CNOT2: variants seen among roughly 807,000 people sequenced by gnomAD.
CNOT2 encodes CC chemokine receptor 4-negative regulator of transcription 2.
CNOT2 carries 7 observed loss-of-function variants against 72.1 expected under a neutral mutation model. That is an observed-to-expected ratio of 0.10 (90% confidence interval 0.06 to 0.18). CNOT2 has a LOEUF of 0.18. CNOT2 is among the 10% of genes least tolerant of loss of function. The pLI, the probability that CNOT2 is intolerant of heterozygous loss-of-function variation, is 1.00. For missense variants in CNOT2, 345 were observed against 660.3 expected, an observed-to-expected ratio of 0.52 and a Z score of 5.23; for synonymous variants, 196 against 225.6, an observed-to-expected ratio of 0.87 and a Z score of 1.17.
chr12:70,338,037 A>AT, intron 9 of CNOT2: 1 of 228,440 alleles, frequency 4.4e-6, no homozygotes, highest in Admixed American at 5.4e-5. Context: ...TAAAGCTTGT[A>AT]TGTCTAACTT....
intron 1 of CNOT2, among the ~76,000 whole-genome samples, chr12:70,257,361 T>C (rs1958509380): frequency 6.9e-6 from 1 of 144,798 alleles, no homozygotes; most frequent in South Asian, 2.2e-4. Flanking sequence ...CCCCTTTTTT[T>C]TTTTTTTTTT....
At chr12:70,339,089 TATACAC>T (rs1458785093) in intron 11 of CNOT2, among the ~76,000 whole-genome samples, 9 of 132,564 alleles carry the variant, frequency 6.8e-5, no homozygotes, top group South Asian at 2.4e-4. Flanking sequence ...TATATATATA[TATACAC>T]ACACACACAC....
intron 2 of CNOT2, among the ~76,000 whole-genome samples, chr12:70,294,670 T>C (rs1273183061): frequency 6.6e-6 from 1 of 152,198 alleles, no homozygotes; most frequent in Non-Finnish European, 1.5e-5. Context: ...TTTTGCCATA[T>C]GTAACTTGGT....
intron 2 of CNOT2, among the ~76,000 whole-genome samples, chr12:70,309,612 A>G (rs995275760): frequency 6.6e-6 from 1 of 152,104 alleles, no homozygotes; most frequent in African/African-American, 2.4e-5. Context: ...ATGGAAGGAA[A>G]TATTCTTAGT....
At chr12:70,310,739 G>T (rs1022666227) in intron 2 of CNOT2, among the ~76,000 whole-genome samples, 156 bp from the exon 3 acceptor site, 1 of 152,004 alleles carries the variant, frequency 6.6e-6, no homozygotes, top group African/African-American at 2.4e-5. Context: ...GTTATAATCA[G>T]ATTTATGACT....
chr12:70,349,404 C>G (rs1882595413), intron 15 of CNOT2, among the ~76,000 whole-genome samples: 1 of 152,056 alleles, frequency 6.6e-6, no homozygotes, highest in Non-Finnish European at 1.5e-5. Flanking sequence ...CTGTAAGAAG[C>G]CTACAGTATG....
chr12:70,265,285 CT>C (rs1376435290), intron 1 of CNOT2, among the ~76,000 whole-genome samples: 24 of 138,834 alleles, frequency 1.7e-4, no homozygotes, highest in African/African-American at 6.0e-4. Flanking sequence ...CTTCTCTTCT[CT>C]TCTCTTCTCT....
At chr12:70,334,502 A>G (rs1376169196) in intron 7 of CNOT2, 1 of 152,074 alleles carries the variant, frequency 6.6e-6, no homozygotes, top group Admixed American at 6.6e-5. Flanking sequence ...TTTGGAGAAA[A>G]CTAAAAATTA....
At chr12:70,291,709 G>T (rs191468533) in intron 2 of CNOT2, among the ~76,000 whole-genome samples, 1 of 151,940 alleles carries the variant, frequency 6.6e-6, no homozygotes, top group South Asian at 2.1e-4. Context: ...AGGCTGAGGC[G>T]GGCAGATCAC....
chr12:70,252,657 A>G (rs61929911), intron 1 of CNOT2, among the ~76,000 whole-genome samples: 2,632 of 152,296 alleles, frequency 0.017, 37 homozygotes, highest in Middle Eastern at 0.037. Context: ...TGATGTTCAT[A>G]ATGCCTGGAA....
At chr12:70,294,211 C>G in intron 2 of CNOT2, 1 of 1,289,440 alleles carries the variant, frequency 7.8e-7, no homozygotes, top group Non-Finnish European at 1.0e-6. Context: ...ATGGCTCACC[C>G]TCCAACCTTT....
chr12:70,256,596 A>AG (rs1396710867), intron 1 of CNOT2, among the ~76,000 whole-genome samples: 1 of 151,416 alleles, frequency 6.6e-6, no homozygotes, highest in East Asian at 1.9e-4. Context: ...AAAAAAAAAA[A>AG]AAAAAAAGTG....
chr12:70,303,869 T>G (rs1202344915), intron 2 of CNOT2, among the ~76,000 whole-genome samples: 1 of 152,220 alleles, frequency 6.6e-6, no homozygotes, highest in Non-Finnish European at 1.5e-5. Context: ...AGATTTGGTC[T>G]TTTCACATAG....
intron 4 of CNOT2, among the ~76,000 whole-genome samples, chr12:70,326,303 A>G (rs1158560144): frequency 6.6e-6 from 1 of 151,870 alleles, no homozygotes; most frequent in Non-Finnish European, 1.5e-5. Flanking sequence ...AGGAAGTAGT[A>G]TAGTGCTTTG....
intron 15 of CNOT2, among the ~76,000 whole-genome samples, chr12:70,351,977 C>G (rs1282008018): frequency 6.6e-6 from 1 of 152,076 alleles, no homozygotes; most frequent in Admixed American, 6.6e-5. Flanking sequence ...ATGAAGGCAA[C>G]CTTTTCAGGC....
intron 2 of CNOT2, among the ~76,000 whole-genome samples, chr12:70,288,350 T>A (rs1397090245): frequency 6.6e-6 from 1 of 152,080 alleles, no homozygotes; most frequent in African/African-American, 2.4e-5. Flanking sequence ...TTTCACCACA[T>A]TGGCCAGGCT....
intron 2 of CNOT2, among the ~76,000 whole-genome samples, chr12:70,300,303 G>C (rs1270277092): frequency 6.6e-6 from 1 of 152,204 alleles, no homozygotes; most frequent in East Asian, 1.9e-4. Context: ...CCATGCCTAT[G>C]TCCTGAATGG....
intron 4 of CNOT2, among the ~76,000 whole-genome samples, chr12:70,320,876 G>C (rs1035179727): frequency 3.0e-4 from 45 of 151,770 alleles, no homozygotes; most frequent in African/African-American, 1.0e-3. Flanking sequence ...TTAAAATTCT[G>C]GTCTAATTTT....
chr12:70,319,913 AT>A (rs1381062128), intron 4 of CNOT2, among the ~76,000 whole-genome samples: 2 of 151,602 alleles, frequency 1.3e-5, no homozygotes, highest in South Asian at 2.1e-4. Flanking sequence ...TTCTACTTCT[AT>A]TTTTTTAAAG....
Sources: allele counts gnomAD v4.1 joint callset (sites outside exome capture counted in the v4.1 genomes callset), GRCh38; gene constraint gnomAD v4.1.1; transcripts MANE v1.5; gene names NCBI Gene and HGNC (gene_info 2026-07-23, HGNC 2026-07-21).